The following ARHGAP42 variants were observed in gnomAD, a reference collection of about 807,000 sequenced individuals.
The protein encoded by ARHGAP42 is rho GTPase-activating protein 42.
In ARHGAP42, 63 loss-of-function variants were observed where a neutral mutation model predicts 125.0. That is an observed-to-expected ratio of 0.50 (90% confidence interval 0.41 to 0.62). The LOEUF is 0.62. ARHGAP42 is among the 20% of genes least tolerant of loss of function. ARHGAP42 has a pLI of 0.00. For missense variants in ARHGAP42, 766 were observed against 1,024.2 expected, an observed-to-expected ratio of 0.75 and a Z score of 3.44; for synonymous variants, 339 against 351.0, an observed-to-expected ratio of 0.97 and a Z score of 0.38.
At chr11:100,728,770 T>G (rs1861907110) in intron 1 of ARHGAP42, among the ~76,000 whole-genome samples, 1 of 145,892 alleles carries the variant, frequency 6.9e-6, no homozygotes, top group African/African-American at 2.5e-5. Flanking sequence ...ACACTTTTCT[T>G]TTTTAATTTT....
intron 22 of ARHGAP42, among the ~76,000 whole-genome samples, chr11:100,980,685 C>G (rs1858520956): frequency 6.7e-6 from 1 of 148,630 alleles, no homozygotes; most frequent in South Asian, 2.2e-4. Flanking sequence ...ATTCTCCTGC[C>G]TCAGCCTCCC....
At chr11:100,811,633 A>G (rs1864145573) in intron 3 of ARHGAP42, among the ~76,000 whole-genome samples, 1 of 151,276 alleles carries the variant, frequency 6.6e-6, no homozygotes, top group Non-Finnish European at 1.5e-5. Context: ...CTGAGTAGCT[A>G]GGATTATAGG....
intron 8 of ARHGAP42, among the ~76,000 whole-genome samples, chr11:100,939,164 G>A (rs762138740): frequency 2.0e-5 from 3 of 152,106 alleles, no homozygotes; most frequent in Non-Finnish European, 2.9e-5. Context: ...AACCGGAAGA[G>A]CCAGGGGTTC....
chr11:100,848,740 A>G (rs1459881091), intron 3 of ARHGAP42, among the ~76,000 whole-genome samples: 2 of 152,114 alleles, frequency 1.3e-5, no homozygotes, highest in Non-Finnish European at 2.9e-5. Context: ...TCCTGGCCTC[A>G]AGTGATCTGC....
At chr11:100,766,923 CAGA>C in intron 1 of ARHGAP42, among the ~76,000 whole-genome samples, 1 of 152,206 alleles carries the variant, frequency 6.6e-6, no homozygotes, top group Non-Finnish European at 1.5e-5. Flanking sequence ...ATTATGCTTC[CAGA>C]AGGACTGTGA....
At chr11:100,957,076 A>C (rs1388156581) in intron 12 of ARHGAP42, among the ~76,000 whole-genome samples, 2 of 152,106 alleles carry the variant, frequency 1.3e-5, no homozygotes, top group Non-Finnish European at 2.9e-5. Flanking sequence ...GAGCTTTGCA[A>C]ATGTTAACTT....
chr11:100,859,418 A>G, intron 3 of ARHGAP42, 136 bp from the exon 4 acceptor site: 1 of 646,368 alleles, frequency 1.5e-6, no homozygotes. Flanking sequence ...AACTGTATAT[A>G]ACATGTAAGT....
intron 6 of ARHGAP42, among the ~76,000 whole-genome samples, chr11:100,925,262 C>T (rs1867389177): frequency 6.6e-6 from 1 of 151,978 alleles, no homozygotes; most frequent in Non-Finnish European, 1.5e-5. Flanking sequence ...CAATTACCCA[C>T]AGCTAGTCTA....
At chr11:100,872,459 T>G (rs763193736) in intron 4 of ARHGAP42, among the ~76,000 whole-genome samples, 12 of 151,996 alleles carry the variant, frequency 7.9e-5, no homozygotes, top group Non-Finnish European at 1.5e-4. Flanking sequence ...GCAGTGGTGC[T>G]ATCTCAGTTC....
At chr11:100,897,288 T>G (rs1399096666) in intron 4 of ARHGAP42, among the ~76,000 whole-genome samples, 12 of 152,200 alleles carry the variant, frequency 7.9e-5, no homozygotes, top group Non-Finnish European at 1.5e-5. Flanking sequence ...CCTCCAGCTT[T>G]GTTCTTTTTG....
chr11:100,959,636 G>A (rs1418103158), intron 12 of ARHGAP42, among the ~76,000 whole-genome samples: 1 of 152,130 alleles, frequency 6.6e-6, no homozygotes, highest in East Asian at 1.9e-4. Flanking sequence ...TTTAGGAAAA[G>A]TGGATGAGAT....
chr11:100,698,407 G>T (rs11224394), intron 1 of ARHGAP42, among the ~76,000 whole-genome samples: 3,665 of 152,252 alleles, frequency 0.024, 163 homozygotes, highest in African/African-American at 0.083. Flanking sequence ...GGAGGTCCGC[G>T]CTGCAGTGAG....
chr11:100,980,431 A>G (rs905486318), intron 22 of ARHGAP42, among the ~76,000 whole-genome samples: 2 of 152,100 alleles, frequency 1.3e-5, no homozygotes, highest in African/African-American at 4.8e-5. Context: ...TCAGGTAATC[A>G]TAATCAAAGA....
chr11:100,761,624 A>C (rs1206933098), intron 1 of ARHGAP42, among the ~76,000 whole-genome samples: 3 of 152,230 alleles, frequency 2.0e-5, no homozygotes, highest in African/African-American at 7.2e-5. Flanking sequence ...ACTGCTTGCC[A>C]GACACATATC....
At chr11:100,918,609 G>C (rs1867144113) in intron 5 of ARHGAP42, among the ~76,000 whole-genome samples, 1 of 152,154 alleles carries the variant, frequency 6.6e-6, no homozygotes, top group African/African-American at 2.4e-5. Flanking sequence ...GCAAGTGTTT[G>C]CTAGTGAGTC....
At chr11:100,897,764 TATACA>T (rs1346907654) in intron 4 of ARHGAP42, among the ~76,000 whole-genome samples, 2 of 152,230 alleles carry the variant, frequency 1.3e-5, no homozygotes, top group Non-Finnish European at 2.9e-5. Flanking sequence ...GTTTTCTAAG[TATACA>T]GTCATGTCAT....
chr11:100,962,384 CAT>C (rs747137316), intron 15 of ARHGAP42, 23 bp from the exon 16 acceptor site: 100 of 1,542,502 alleles, frequency 6.5e-5, no homozygotes, highest in South Asian at 3.0e-4. Context: ...ACTATTCTAA[CAT>C]GTGTTTCCTT....
intron 1 of ARHGAP42, among the ~76,000 whole-genome samples, chr11:100,763,467 G>A (rs777109267): frequency 2.4e-4 from 37 of 152,072 alleles, no homozygotes; most frequent in Non-Finnish European, 4.9e-4. Flanking sequence ...AGAGGAATGA[G>A]CATACATTTC....
chr11:100,988,631 A>T, intron 23 of ARHGAP42, 82 bp from the exon 24 acceptor site: 1 of 1,136,288 alleles, frequency 8.8e-7, no homozygotes, highest in African/African-American at 1.5e-5. Flanking sequence ...TGACAATCCG[A>T]TGTGGGTGTT....
Sources: allele counts gnomAD v4.1 joint callset (sites outside exome capture counted in the v4.1 genomes callset), GRCh38; gene constraint gnomAD v4.1.1; transcripts MANE v1.5; gene names NCBI Gene and HGNC (gene_info 2026-07-23, HGNC 2026-07-21).